Variants in SHISA9 observed in about 807,000 individuals in gnomAD.
The protein encoded by SHISA9 is protein shisa-9.
SHISA9 carries 13 observed loss-of-function variants against 38.0 expected under a neutral mutation model. The ratio of observed to expected loss-of-function variants is 0.34; its 90% CI spans 0.22 to 0.54. SHISA9 has a LOEUF of 0.54. Among genes scored for constraint, SHISA9 ranks in the 20% least tolerant of loss-of-function variants. The pLI, the probability that SHISA9 is intolerant of heterozygous loss-of-function variation, is 0.91. For synonymous variants in SHISA9, 275 were observed against 242.0 expected (o/e 1.14, Z -1.27); for missense variants, 538 against 575.8 (o/e 0.93, Z 0.67).
intron 2 of SHISA9, among the ~76,000 whole-genome samples, chr16:13,197,373 A>G (rs2050957056): frequency 6.6e-6 from 1 of 152,128 alleles, no homozygotes. Context: ...TCTCTTCTGC[A>G]TGGAGAGACT....
chr16:13,130,146 T>A (rs2050294497), intron 2 of SHISA9, among the ~76,000 whole-genome samples: 2 of 152,196 alleles, frequency 1.3e-5, no homozygotes, highest in South Asian at 4.1e-4. Context: ...CATCTGTATG[T>A]CTGGTGACTA....
At chr16:13,504,057 G>A in the SHISA9 span, among the ~76,000 whole-genome samples, 1 of 152,158 alleles carries the variant, frequency 6.6e-6, no homozygotes, top group Non-Finnish European at 1.5e-5. Flanking sequence ...TGCAGAAGCA[G>A]CCTAGTGTGT....
At chr16:12,985,746 G>C (rs753307842) in intron 2 of SHISA9, among the ~76,000 whole-genome samples, 1 of 152,134 alleles carries the variant, frequency 6.6e-6, no homozygotes, top group African/African-American at 2.4e-5. Flanking sequence ...CCATTTTTGT[G>C]GTCTGCAATC....
chr16:13,000,968 C>T lies in SHISA9; in HGVS notation c.691+84153C>T, dbSNP rs140720591. The stretch of plus-strand genomic sequence containing the variant: ...TTTTTGAGATGGAGTCTCACTCTGT[C>T]ACCCAGGTTGGAGGGCAGTGTTGCA... On this transcript the variant is annotated intron_variant, in intron 2 of 4. Transcript: ENST00000558583. Among the ~76,000 whole-genome samples, 396 of 152,270 alleles carry T rather than the reference C, an allele frequency of 2.6e-3. 1 individual carries two copies. Among genetic ancestry groups the T allele is most frequent in the African/African-American group, 9.2e-3 (384 of 41,558 alleles).
the SHISA9 span, among the ~76,000 whole-genome samples, chr16:13,343,052 A>G: frequency 6.6e-6 from 1 of 152,264 alleles, no homozygotes; most frequent in Non-Finnish European, 1.5e-5. Context: ...TACCTAGCAC[A>G]TGAGAAGCAC....
chr16:13,019,865 TCCCTCCCTCCCTCCCTC>T (rs1567183966), intron 2 of SHISA9, among the ~76,000 whole-genome samples: 1,030 of 33,372 alleles, frequency 0.031, 52 homozygotes, highest in Non-Finnish European at 0.041. Flanking sequence ...CCTCCCTCCC[TCCCTCCCTCCCTCCCTC>T]CCTTCTTTCT....
chr16:13,419,706 A>G, the SHISA9 span, among the ~76,000 whole-genome samples: 1 of 152,204 alleles, frequency 6.6e-6, no homozygotes, highest in Non-Finnish European at 1.5e-5. Flanking sequence ...GGGTCACACA[A>G]TTTTTATAGC....
chr16:13,077,627 T>C (rs2073598717), intron 2 of SHISA9, among the ~76,000 whole-genome samples: 1 of 152,172 alleles, frequency 6.6e-6, no homozygotes, highest in African/African-American at 2.4e-5. Context: ...TGAGAAGTAG[T>C]AGCCTGCTCC....
chr16:13,507,545 G>T, the SHISA9 span, among the ~76,000 whole-genome samples: 1 of 152,186 alleles, frequency 6.6e-6, no homozygotes, highest in African/African-American at 2.4e-5. Context: ...AAAGGCCCAA[G>T]AATTGATGTT....
the SHISA9 span, among the ~76,000 whole-genome samples, chr16:13,453,693 T>C: frequency 2.0e-5 from 3 of 152,220 alleles, no homozygotes; most frequent in Non-Finnish European, 4.4e-5. Context: ...ACATAATAAA[T>C]GGTTGTTGTT....
chr16:13,470,862 A>G, the SHISA9 span, among the ~76,000 whole-genome samples: 1 of 152,036 alleles, frequency 6.6e-6, no homozygotes, highest in African/African-American at 2.4e-5. Flanking sequence ...AAACACCGTA[A>G]ATCTTAGTTT....
At chr16:12,944,917 T>C (rs1369192084) in intron 2 of SHISA9, among the ~76,000 whole-genome samples, 1 of 152,116 alleles carries the variant, frequency 6.6e-6, no homozygotes, top group Non-Finnish European at 1.5e-5. Context: ...GGGAAACCCA[T>C]CAAGGGTGTG....
intron 2 of SHISA9, among the ~76,000 whole-genome samples, chr16:13,097,473 A>G (rs914085947): frequency 3.3e-5 from 5 of 151,898 alleles, no homozygotes; most frequent in Non-Finnish European, 4.4e-5. Context: ...CTGGAGTACA[A>G]TGATGCTATC....
At chr16:13,265,156 C>T in the SHISA9 span, among the ~76,000 whole-genome samples, 1 of 109,014 alleles carries the variant, frequency 9.2e-6, no homozygotes, top group Non-Finnish European at 1.9e-5. Flanking sequence ...TCCCTTTCTT[C>T]CTGTTCCCTT....
intron 2 of SHISA9, among the ~76,000 whole-genome samples, chr16:13,089,504 T>C (rs949371168): frequency 1.3e-5 from 2 of 152,228 alleles, no homozygotes; most frequent in African/African-American, 4.8e-5. Flanking sequence ...ATTCAGAAAT[T>C]CAACTTCTTC....
chr16:13,416,831 AAGAG>A, the SHISA9 span, among the ~76,000 whole-genome samples: 1 of 148,644 alleles, frequency 6.7e-6, no homozygotes, highest in Non-Finnish European at 1.5e-5. Flanking sequence ...TGAAGGAAGG[AAGAG>A]AAAGAAAGAA....
downstream of SHISA9, among the ~76,000 whole-genome samples, chr16:13,243,397 T>G (rs1379864872): frequency 6.6e-6 from 1 of 152,082 alleles, no homozygotes; most frequent in African/African-American, 2.4e-5. Flanking sequence ...TCAAGTACAT[T>G]TAAGAAATAT....
At chr16:12,918,272 T>G (rs1222439521) in intron 2 of SHISA9, among the ~76,000 whole-genome samples, 1 of 152,150 alleles carries the variant, frequency 6.6e-6, no homozygotes, top group Non-Finnish European at 1.5e-5. Flanking sequence ...AATGAGCACA[T>G]TTTCTTTCAG....
chr16:13,259,938 C>A, the SHISA9 span, among the ~76,000 whole-genome samples: 2 of 149,984 alleles, frequency 1.3e-5, no homozygotes, highest in African/African-American at 4.9e-5. Flanking sequence ...AGTCTCCATG[C>A]TACTTATGCA....
Sources: allele counts gnomAD v4.1 joint callset (sites outside exome capture counted in the v4.1 genomes callset), GRCh38; gene constraint gnomAD v4.1.1; transcripts MANE v1.5; gene names NCBI Gene and HGNC (gene_info 2026-07-23, HGNC 2026-07-21).